CNKSR2: variants seen among roughly 807,000 people sequenced by gnomAD.
CNKSR2 encodes the protein CNK homolog protein 2.
Under a neutral mutation model 84.4 loss-of-function variants are expected in CNKSR2, and 14 were observed. The observed-to-expected ratio is 0.17, with a 90% CI of 0.11 to 0.26. The LOEUF is 0.26. Among genes scored for constraint, CNKSR2 ranks in the 10% least tolerant of loss-of-function variants. The pLI is 1.00. For synonymous variants in CNKSR2, 275 were observed against 277.9 expected (o/e 0.99, Z 0.10); for missense variants, 485 against 771.2 (o/e 0.63, Z 4.40).
intron 15 of CNKSR2, chrX:21,592,878 T>C (rs1298747312): frequency 9.2e-6 from 1 of 109,102 alleles, no homozygotes; most frequent in Non-Finnish European, 1.9e-5. Flanking sequence ...AGTATCTCCA[T>C]GTTTCTCTTT....
At position 21,374,630 on chromosome X, in the gene CNKSR2, A is replaced by AGCAGCCGCCGCCGCCGCCGCC. The variant is rs547454548; in HGVS notation, c.-266_-265insAGCCGCCGCCGCCGCCGCCGC. 10 of 445,364 alleles carry AGCAGCCGCCGCCGCCGCCGCC rather than the reference A, an allele frequency of 2.2e-5. No individual in the cohort carries two copies. In the African/African-American group the frequency reaches 2.6e-4, roughly 12 times the overall value. The allele number at this position is 445,364 out of a possible 1,213,427, so 36.7% of individuals were successfully genotyped here. The stretch of plus-strand genomic sequence containing the variant: ...CAGCAGCAGCAGCAGCAGCAGCAGC[A>AGCAGCCGCCGCCGCCGCCGCC]GCCGCCGCCGCCGCCGCCTTAGCGG... On this transcript the variant is annotated 5_prime_UTR_variant, in exon 1 of 22. Coordinates refer to ENST00000379510, the MANE Select transcript of CNKSR2 (RefSeq NM_014927.5).
rs760125095 is a variant in CNKSR2 at position 21,595,317 on chromosome X, T to C, written c.1905-7T>C. 4 of 1,163,592 alleles carry C rather than the reference T, an allele frequency of 3.4e-6. No individual in the cohort carries two copies. The highest frequency in any genetic ancestry group is 4.7e-6 in the Non-Finnish European group (4 of 857,502). ...TTGTAATAAATGTACTTTGTTTCCT[T>C]TTGCAGTGCATTCAAAGCCTGTCAT... On this transcript the variant is annotated splice_polypyrimidine_tract_variant and splice_region_variant and intron_variant, in intron 16 of 21. Coordinates refer to ENST00000379510, the MANE Select transcript of CNKSR2 (RefSeq NM_014927.5).
At chrX:21,601,643 C>T (rs1350119850) in intron 18 of CNKSR2, among the ~76,000 whole-genome samples, 1 of 112,096 alleles carries the variant, frequency 8.9e-6, no homozygotes, top group African/African-American at 3.2e-5. Context: ...TATGATTGAA[C>T]CAAGTCCAGA....
At position 21,507,468 on chromosome X, in the gene CNKSR2, AG is replaced by A. The variant is rs1238437447; in HGVS notation, c.810+5882del. 2.7e-5 allele frequency among the ~76,000 whole-genome samples: 3 copies of A among 111,461 alleles called. No homozygotes were observed. In the East Asian group the frequency reaches 8.5e-4, roughly 32 times the overall value. ...GGAATTTTGGTAAAGTGATTTCTAAAGGTAACTTCCACAGTGAAAATACAGC... is the reference window on the plus strand; with the variant it reads ...GGAATTTTGGTAAAGTGATTTCTAAAGTAACTTCCACAGTGAAAATACAGC... On this transcript the variant is annotated intron_variant, in intron 8 of 21. Transcript: ENST00000379510.
chrX:21,434,718 C>T (rs1191146451), intron 3 of CNKSR2, among the ~76,000 whole-genome samples: 1 of 110,214 alleles, frequency 9.1e-6, no homozygotes, highest in African/African-American at 3.3e-5. Flanking sequence ...TTGGAGAAAA[C>T]GTGTATCCAC....
intron 5 of CNKSR2, among the ~76,000 whole-genome samples, chrX:21,480,389 T>A (rs1227981535): frequency 8.9e-6 from 1 of 112,273 alleles, no homozygotes; most frequent in Non-Finnish European, 1.9e-5. Context: ...TCTTGCTATT[T>A]GAATATAAAA....
intron 5 of CNKSR2, among the ~76,000 whole-genome samples, chrX:21,488,297 G>T (rs2091406511): frequency 8.9e-6 from 1 of 111,963 alleles, no homozygotes; most frequent in South Asian, 3.7e-4. Context: ...GTCTTTTTTG[G>T]ATAGGAGCCA....
chrX:21,470,103 G>A (rs1418688281), intron 4 of CNKSR2, among the ~76,000 whole-genome samples: 1 of 111,542 alleles, frequency 9.0e-6, no homozygotes, highest in Non-Finnish European at 1.9e-5. Flanking sequence ...TTGTCTCTAA[G>A]CAAAGATCAG....
Position 21,456,965 on chromosome X carries a change from G to A in CNKSR2, c.520-13801G>A, listed in dbSNP as rs142390410. ...TTGCTTTGCATTTTTCTGATAATTA[G>A]CAATTTTGAACATTTTTTCATATAC... On this transcript the variant is annotated intron_variant, in intron 4 of 21. Transcript: ENST00000379510. Among the ~76,000 whole-genome samples, 689 of 111,302 alleles carry A rather than the reference G, an allele frequency of 6.2e-3. 7 individuals carry two copies. Among genetic ancestry groups the A allele is most frequent in the African/African-American group, 0.021 (650 of 30,741 alleles).
chrX:21,641,663 C>T (rs1232100499), intron 20 of CNKSR2: 5 of 1,134,762 alleles, frequency 4.4e-6, no homozygotes, highest in African/African-American at 1.8e-5. Context: ...AGAGTCGGTA[C>T]GGCGCAGACT....
chrX:21,419,225 G>GTATTTCTGCTTGATTCTTTTAGAT (rs1355073971), intron 1 of CNKSR2, among the ~76,000 whole-genome samples: 1 of 110,524 alleles, frequency 9.0e-6, no homozygotes, highest in African/African-American at 3.3e-5. Context: ...TTCAGCTCCA[G>GTATTTCTGCTTGATTCTTTTAGAT]TATTTCTGCT....
chrX:21,458,731 T>C (rs1368865849), intron 4 of CNKSR2, among the ~76,000 whole-genome samples: 2 of 110,783 alleles, frequency 1.8e-5, no homozygotes, highest in Non-Finnish European at 3.8e-5. Flanking sequence ...ACCCATTAGT[T>C]ATTTTTTCTT....
At chrX:21,429,900 AAAAAT>A (rs1437309670) in intron 2 of CNKSR2, 3 of 111,679 alleles carry the variant, frequency 2.7e-5, no homozygotes, top group East Asian at 2.8e-4. Flanking sequence ...CCTGTATCAA[AAAAAT>A]AAAATAAAAT....
rs1032341347 is a variant in CNKSR2, at chrX:21,453,059, A to G, written c.519+12278A>G. 2.7e-5 allele frequency among the ~76,000 whole-genome samples: 3 copies of G among 110,364 alleles called. 1 individual carries two copies. On this transcript the variant is annotated intron_variant, in intron 4 of 21. Transcript: ENST00000379510. Reference sequence around the variant, plus strand: ...ATATACTATCCTGGAAAATATGAGTAATAATATCTTCATCTTTTATTTTAT... The same window carrying G: ...ATATACTATCCTGGAAAATATGAGTGATAATATCTTCATCTTTTATTTTAT...
chrX:21,577,398 A>AT (rs1207588016), intron 13 of CNKSR2, among the ~76,000 whole-genome samples: 1 of 111,543 alleles, frequency 9.0e-6, no homozygotes, highest in Non-Finnish European at 1.9e-5. Flanking sequence ...TTTAAGTCTT[A>AT]TTTTTAATTC....
At chrX:21,587,530 GGTCATAT>G (rs1335179834) in intron 13 of CNKSR2, among the ~76,000 whole-genome samples, 16 of 111,432 alleles carry the variant, frequency 1.4e-4, no homozygotes, top group Non-Finnish European at 2.8e-4. Context: ...TATGAATTAC[GGTCATAT>G]GTCTGTTTTT....
intron 13 of CNKSR2, among the ~76,000 whole-genome samples, chrX:21,566,572 T>C (rs1322681152): frequency 1.8e-5 from 2 of 112,012 alleles, no homozygotes; most frequent in African/African-American, 3.2e-5. Context: ...AAGAGGACTA[T>C]GAAGATTGAG....
chrX:21,563,889 G>A (rs942649111), intron 13 of CNKSR2, among the ~76,000 whole-genome samples: 2 of 111,025 alleles, frequency 1.8e-5, no homozygotes, highest in African/African-American at 6.5e-5. Context: ...ACCATTTTAT[G>A]GGGAGAAAGA....
chrX:21,422,086 A>G (rs1283565502), intron 1 of CNKSR2: 1 of 111,679 alleles, frequency 9.0e-6, no homozygotes, highest in Non-Finnish European at 1.9e-5. Flanking sequence ...ACTGGAGCTT[A>G]AATTCTAGCC....
Sources: gnomAD v4.1 joint callset for allele counts (sites outside exome capture counted in the v4.1 genomes callset) on GRCh38, gnomAD v4.1.1 for gene constraint, MANE v1.5 for transcripts, NCBI Gene and HGNC (gene_info 2026-07-23, HGNC 2026-07-21) for gene names.